The following CCDC88C variants were observed in gnomAD, a reference collection of about 807,000 sequenced individuals.
The protein encoded by CCDC88C is protein Daple.
A neutral mutation model predicts 198.8 loss-of-function variants in CCDC88C; 131 were observed. The ratio of observed to expected loss-of-function variants is 0.66; its 90% CI spans 0.57 to 0.76. The LOEUF is 0.76. Among genes scored for constraint, CCDC88C ranks in the 30% least tolerant of loss-of-function variants. The pLI is 0.00. For synonymous variants in CCDC88C, 1,166 were observed against 1,114.7 expected (o/e 1.05, Z -0.92); for missense variants, 2,553 against 2,631.6 (o/e 0.97, Z 0.65).
intron 20 of CCDC88C, 133 bp downstream of exon 20, chr14:91,303,568 C>T: frequency 2.1e-6 from 2 of 941,648 alleles, no homozygotes; most frequent in Non-Finnish European, 3.1e-6. Context: ...CTCCAGGCTC[C>T]ACCCATCTTC....
intron 12 of CCDC88C, 110 bp downstream of exon 12, chr14:91,324,669 C>T (rs1753943555): frequency 1.5e-6 from 2 of 1,329,084 alleles, no homozygotes; most frequent in East Asian, 2.3e-5. Context: ...TCATGTTTGC[C>T]TGGGATGAAT....
chr14:91,273,566 G>A lies in CCDC88C; in HGVS notation c.5146C>T (p.Pro1716Ser), dbSNP rs1419251714. 4 of 1,505,454 alleles carry A rather than the reference G, an allele frequency of 2.7e-6. No individual in the cohort carries two copies. The highest frequency in any genetic ancestry group is 3.6e-6 in the Non-Finnish European group (4 of 1,126,042). The allele number at this position is 1,505,454 out of a possible 1,614,324, so 93.3% of individuals were successfully genotyped here. A position where few individuals can be genotyped will look rare whatever the true frequency, so the allele number is the denominator to read the frequency against. The change falls in exon 30 of 30, where the codon CCT becomes TCT. Residue 1716 changes from proline to serine, a missense_variant. By Grantham distance (74) the Pro-to-Ser change is moderately conservative. Transcript: ENST00000389857. This position sits in a 1 kb window ranked among gnomAD's most constrained non-coding sequence, Gnocchi z 5.6. ...ATCTTGGCCCCTTCTTTCTTGGCAG[G>A]TGGTCCTGGTTGGCCTCCGATGGCT... ...PPAIGGQPGPPAKKEGAKMPT... is the reference protein window; with the variant it reads ...PPAIGGQPGPSAKKEGAKMPT...
At chr14:91,328,417 C>G (rs1892666793) in intron 10 of CCDC88C, among the ~76,000 whole-genome samples, 1 of 152,176 alleles carries the variant, frequency 6.6e-6, no homozygotes, top group Non-Finnish European at 1.5e-5. Context: ...GAGTGGGAAG[C>G]CGGATTCCAC....
rs1423213139 is a variant in CCDC88C at position 91,339,618 on chromosome 14, G to C, written c.625-156C>G. 6.6e-6 allele frequency among the ~76,000 whole-genome samples: 1 copy of C among 152,220 alleles called. No individual in the cohort carries two copies. The highest frequency in any genetic ancestry group is 6.5e-5 in the Admixed American group (1 of 15,288). ...GTGGGAAAAGGCTGGCATGGGTTTT[G>C]AAAAGAGGTGAAATATTTAGTGAAA... On this transcript the variant is annotated intron_variant, in intron 7 of 29. Transcript: ENST00000389857. The surrounding 1 kb of genome is among the most constrained non-coding windows in gnomAD (Gnocchi z 5.8).
intron 4 of CCDC88C, among the ~76,000 whole-genome samples, chr14:91,358,794 C>T (rs1281841027): frequency 1.3e-5 from 2 of 152,068 alleles, no homozygotes; most frequent in African/African-American, 2.4e-5. Context: ...TGAGCCACTG[C>T]GCTCGGCCTC....
intron 29 of CCDC88C, among the ~76,000 whole-genome samples, chr14:91,277,303 T>G (rs1890006661): frequency 1.3e-5 from 2 of 152,238 alleles, no homozygotes; most frequent in South Asian, 4.1e-4. Flanking sequence ...CGTGAGCCAC[T>G]GCATCTGGCC....
At chr14:91,398,327 T>C (rs1885971256) in intron 3 of CCDC88C, among the ~76,000 whole-genome samples, 1 of 152,242 alleles carries the variant, frequency 6.6e-6, no homozygotes, top group African/African-American at 2.4e-5. Flanking sequence ...GCCCGTTTGC[T>C]TCACCCCTGG....
rs895301821 is a variant in CCDC88C at position 91,353,817 on chromosome 14, A to C, written c.340+5825T>G. 4.9e-4 allele frequency among the ~76,000 whole-genome samples: 74 copies of C among 152,330 alleles called. 1 individual carries two copies. The highest frequency in any genetic ancestry group is 1.8e-3 in the African/African-American group (73 of 41,578). On this transcript the variant is annotated intron_variant, in intron 4 of 29. Coordinates refer to ENST00000389857, the MANE Select transcript of CCDC88C (RefSeq NM_001080414.4). ...CTGAACGGCAATTAATGAAACCCCAAGGCTCTTCTCAAAGGTTCCAGGGGC... is the reference window on the plus strand; with the variant it reads ...CTGAACGGCAATTAATGAAACCCCACGGCTCTTCTCAAAGGTTCCAGGGGC...
chr14:91,361,574 C>G (rs1894307384), intron 3 of CCDC88C, among the ~76,000 whole-genome samples: 1 of 152,174 alleles, frequency 6.6e-6, no homozygotes, highest in South Asian at 2.1e-4. Context: ...CTGAACACAC[C>G]AACCCCCCTC....
intron 3 of CCDC88C, among the ~76,000 whole-genome samples, chr14:91,396,427 A>G (rs868178462): frequency 1.3e-5 from 2 of 152,256 alleles, no homozygotes; most frequent in South Asian, 4.1e-4. Flanking sequence ...CGTTTAGGGT[A>G]TGTCCATAAA....
intron 4 of CCDC88C, among the ~76,000 whole-genome samples, chr14:91,344,535 G>A (rs1264704757): frequency 1.4e-4 from 20 of 147,020 alleles, no homozygotes; most frequent in Non-Finnish European, 4.5e-5. Flanking sequence ...TTTTTGAGAT[G>A]GAGTCTCGCT....
intron 27 of CCDC88C, among the ~76,000 whole-genome samples, chr14:91,280,158 C>A (rs902110506): frequency 6.6e-6 from 1 of 152,216 alleles, no homozygotes; most frequent in African/African-American, 2.4e-5. Flanking sequence ...TATGAACCCC[C>A]GTGGCAGGGA....
chr14:91,317,775 G>A (rs570858137), intron 13 of CCDC88C, among the ~76,000 whole-genome samples: 1,528 of 152,296 alleles, frequency 0.01, 22 homozygotes, highest in African/African-American at 0.035. Flanking sequence ...CACGGCAGGA[G>A]AGGCTGGCGT....
intron 4 of CCDC88C, among the ~76,000 whole-genome samples, chr14:91,347,130 A>T (rs1317907182): frequency 1.3e-5 from 2 of 152,164 alleles, no homozygotes; most frequent in East Asian, 3.9e-4. Context: ...ACTTTTTGAA[A>T]GGCCACTCAC....
chr14:91,299,831 G>A (rs951914690), intron 21 of CCDC88C, 96 bp downstream of exon 21: 30 of 1,391,294 alleles, frequency 2.2e-5, no homozygotes, highest in East Asian at 1.0e-4. Flanking sequence ...ATCCACGATC[G>A]CCAGGGGACT....
chr14:91,399,157 C>A (rs1886023474), intron 3 of CCDC88C, among the ~76,000 whole-genome samples: 1 of 152,210 alleles, frequency 6.6e-6, no homozygotes, highest in South Asian at 2.1e-4. Context: ...TTCTCATTCT[C>A]CATGCCTGCT....
chr14:91,330,235 G>A (rs1892761501), intron 10 of CCDC88C, among the ~76,000 whole-genome samples: 1 of 152,264 alleles, frequency 6.6e-6, no homozygotes, highest in Non-Finnish European at 1.5e-5. Flanking sequence ...GGAGCAGGAG[G>A]CTGGGAGACG....
chr14:91,340,274 G>A (rs866848293), intron 6 of CCDC88C, among the ~76,000 whole-genome samples: 35 of 152,316 alleles, frequency 2.3e-4, no homozygotes, highest in African/African-American at 8.2e-4. Flanking sequence ...CAGAAAGCAC[G>A]CCTCACAATT....
In CCDC88C at chr14:91,339,160, T is replaced by C; in HGVS notation, c.809+118A>G. On this transcript the variant is annotated intron_variant, in intron 8 of 29. Coordinates refer to ENST00000389857, the MANE Select transcript of CCDC88C (RefSeq NM_001080414.4). The surrounding 1 kb of genome is among the most constrained non-coding windows in gnomAD (Gnocchi z 5.8). Reference sequence around the variant, plus strand: ...GAGTAAGCTCAGGGCAGACCCCAGCTGACTCCGGGGCACACGTCAGAGCTG... The same window carrying C: ...GAGTAAGCTCAGGGCAGACCCCAGCCGACTCCGGGGCACACGTCAGAGCTG... 1 of 1,256,410 alleles carries C rather than the reference T, an allele frequency of 8.0e-7. No individual in the cohort carries two copies. The allele number at this position is 1,256,410 out of a possible 1,614,324, so 77.8% of individuals were successfully genotyped here.
Sources: allele counts gnomAD v4.1 joint callset (sites outside exome capture counted in the v4.1 genomes callset), GRCh38; gene constraint gnomAD v4.1.1; non-coding constraint Gnocchi (gnomAD v3.1); transcripts MANE v1.5; gene names NCBI Gene and HGNC (gene_info 2026-07-23, HGNC 2026-07-21).